The following AGR2 variants were observed in gnomAD, a reference collection of about 807,000 sequenced individuals.
The protein encoded by AGR2 is anterior gradient protein 2 homolog.
AGR2 carries 27 observed loss-of-function variants against 25.9 expected under a neutral mutation model. The observed-to-expected ratio is 1.04, with a 90% CI of 0.77 to 1.44. The LOEUF (loss-of-function observed/expected upper bound fraction) is 1.44, where lower values mean the gene tolerates loss of function less well. Ranked by LOEUF, AGR2 falls within the 40% of genes most tolerant of loss-of-function variation. The pLI is 0.00. For missense variants in AGR2, 182 were observed against 200.9 expected (o/e 0.91, Z 0.57); for synonymous variants, 78 against 72.0 (o/e 1.08, Z -0.42).
intron 1 of AGR2, among the ~76,000 whole-genome samples, chr7:16,802,219 T>C (rs561239995): frequency 6.6e-6 from 1 of 152,308 alleles, no homozygotes; most frequent in East Asian, 1.9e-4. Context: ...GTTTTATTAT[T>C]AGCTCTTATT....
intron 2 of AGR2, 48 bp from the exon 3 acceptor site, chr7:16,801,431 C>A (rs1785141041): frequency 6.4e-7 from 1 of 1,565,058 alleles, no homozygotes; most frequent in African/African-American, 1.4e-5. Flanking sequence ...AAATTCAGAC[C>A]CAAAGCTGTT....
At chr7:16,793,478 C>T (rs550409449) in intron 7 of AGR2, among the ~76,000 whole-genome samples, 15 of 152,188 alleles carry the variant, frequency 9.9e-5, no homozygotes, top group Non-Finnish European at 1.8e-4. Context: ...CCTTCATCTC[C>T]AACCCTCACT....
chr7:16,801,844 A>G (rs1237780337), intron 1 of AGR2, 41 bp from the exon 2 acceptor site: 2 of 1,574,948 alleles, frequency 1.3e-6, no homozygotes, highest in Non-Finnish European at 1.7e-6. Context: ...ACAAAATTGA[A>G]CTAGCAGTCT....
Position 16,792,919 on chromosome 7 carries a change from T to C in AGR2, c.517A>G (p.Thr173Ala). 1 of 1,614,036 alleles carries C rather than the reference T, an allele frequency of 6.2e-7. No individual in the cohort carries two copies. Among genetic ancestry groups the C allele is most frequent in the East Asian group, 2.2e-5 (1 of 44,876 alleles). ...GAGATTTTTTTTCTTTACAATTCAG[T>C]CTTCAGCAACTTGAGAGCTTTCTTC... Reference protein sequence around the residue: ...NMKKALKLLKTEL With the variant: ...NMKKALKLLKAEL Residue 173 changes from threonine (T) to alanine (A), a missense_variant, in exon 8 of 8, where the codon ACT becomes GCT. Thr to Ala is a moderately conservative substitution (Grantham distance 58). Transcript: ENST00000419304.
rs1034527818 is a variant in AGR2, at chr7:16,791,892, T to G, written c.*1016A>C. The G allele has an allele frequency of 4.6e-5, 7 of 152,196 alleles. No homozygotes were observed. Among genetic ancestry groups the G allele is most frequent in the Admixed American group, 2.0e-4 (3 of 15,266 alleles). 9.4% of individuals were successfully genotyped at this position (152,196 alleles called of 1,614,324 possible). Reference sequence around the variant, plus strand: ...CAAAGCATTATATACAGCACCATAGTCCAGGGGCCAAAGAAATCAGGAGGG... The same window carrying G: ...CAAAGCATTATATACAGCACCATAGGCCAGGGGCCAAAGAAATCAGGAGGG... On this transcript the variant is annotated 3_prime_UTR_variant, in exon 8 of 8. Coordinates refer to ENST00000419304, the MANE Select transcript of AGR2 (RefSeq NM_006408.4).
chr7:16,803,084 C>T (rs771580992), intron 1 of AGR2: 1 of 152,254 alleles, frequency 6.6e-6, no homozygotes, highest in African/African-American at 2.4e-5. Context: ...ATCCTCCTGC[C>T]TTGGCCTCCG....
In AGR2 at chr7:16,792,868, C is replaced by G. The variant is rs762996070; in HGVS notation, c.*40G>C. On this transcript the variant is annotated 3_prime_UTR_variant, in exon 8 of 8. Coordinates refer to ENST00000419304, the MANE Select transcript of AGR2 (RefSeq NM_006408.4). ...TCACACTTCTTCTGGTTTCAAGTCT[C>G]AAGGCCTGACAGACAGAAGGGCTTG... 6.3e-7 allele frequency: 1 copy of G among 1,576,568 alleles called. No individual in the cohort carries two copies. The highest frequency in any genetic ancestry group is 1.1e-5 in the South Asian group (1 of 90,230).
chr7:16,800,249 A>G (rs573504147), intron 4 of AGR2, among the ~76,000 whole-genome samples: 1 of 152,350 alleles, frequency 6.6e-6, no homozygotes, highest in East Asian at 1.9e-4. Flanking sequence ...AAAGGGTTTA[A>G]AAACTGTGAG....
At chr7:16,796,071 T>C (rs1220594290) in intron 6 of AGR2, among the ~76,000 whole-genome samples, 1 of 150,556 alleles carries the variant, frequency 6.6e-6, no homozygotes, top group African/African-American at 2.4e-5. Context: ...TGGAGAGCTG[T>C]AAACACTATG....
intron 5 of AGR2, 152 bp downstream of exon 5, chr7:16,799,592 G>A (rs990886509): frequency 1.7e-4 from 91 of 545,384 alleles, no homozygotes; most frequent in Non-Finnish European, 2.6e-4. Context: ...TTAATACAAC[G>A]AAATATCTTT....
At chr7:16,793,001 T>A (rs1279527448) in intron 7 of AGR2, 44 bp from the exon 8 acceptor site, 1 of 1,566,098 alleles carries the variant, frequency 6.4e-7, no homozygotes, top group Non-Finnish European at 8.8e-7. Context: ...CCATCGTGCG[T>A]TATATCGATA....
At chr7:16,800,711 G>C (rs1583809060) in intron 4 of AGR2, among the ~76,000 whole-genome samples, 8 of 152,190 alleles carry the variant, frequency 5.3e-5, no homozygotes, top group Admixed American at 5.2e-4. Context: ...TTTGGGCCCA[G>C]TGCAAAATGA....
intron 1 of AGR2, among the ~76,000 whole-genome samples, chr7:16,803,871 T>C (rs577437823): frequency 1.3e-4 from 20 of 152,358 alleles, no homozygotes; most frequent in African/African-American, 4.8e-4. Flanking sequence ...AAATAATTTC[T>C]TTGAATCTAT....
rs972908656 is a variant in AGR2 at position 16,794,591 on chromosome 7, A to G, written c.478+345T>C. The G allele has an allele frequency of 1.5e-5, 7 of 460,966 alleles. No individual in the cohort carries two copies. In the Admixed American group the frequency reaches 2.7e-4, roughly 18 times the overall value. The allele number at this position is 460,966 out of a possible 1,614,324, so 28.6% of individuals were successfully genotyped here. A position where few individuals can be genotyped will look rare whatever the true frequency, so the allele number is the denominator to read the frequency against. On this transcript the variant is annotated intron_variant, in intron 7 of 7. Coordinates refer to ENST00000419304, the MANE Select transcript of AGR2 (RefSeq NM_006408.4). Reference sequence around the variant, plus strand: ...CTTTTGTTATTTAAAAAATTAAGACATGCAGATTATTACAATTATTACACT... The same window carrying G: ...CTTTTGTTATTTAAAAAATTAAGACGTGCAGATTATTACAATTATTACACT...
At chr7:16,797,982 A>G (rs1012743607) in intron 5 of AGR2, among the ~76,000 whole-genome samples, 1 of 152,234 alleles carries the variant, frequency 6.6e-6, no homozygotes, top group African/African-American at 2.4e-5. Context: ...GGATGAAATA[A>G]GAGGCTATTA....
At chr7:16,798,733 A>G (rs1475788188) in intron 5 of AGR2, among the ~76,000 whole-genome samples, 2 of 152,214 alleles carry the variant, frequency 1.3e-5, no homozygotes, top group Non-Finnish European at 2.9e-5. Context: ...AGTAGCAGGA[A>G]TACTTGGAAT....
intron 5 of AGR2, 45 bp downstream of exon 5, chr7:16,799,699 A>T: frequency 7.2e-7 from 1 of 1,386,794 alleles, no homozygotes; most frequent in South Asian, 1.2e-5. Flanking sequence ...CATTTCAAGT[A>T]ATGAGCCATA....
At position 16,792,460 on chromosome 7, in the gene AGR2, C is replaced by T. The variant is rs1194830798; in HGVS notation, c.*448G>A. The stretch of plus-strand genomic sequence containing the variant: ...TGCTAAAGCACATGGCTTGATACTT[C>T]TGTTGATTAAGCTCGTGTCTACTTA... On this transcript the variant is annotated 3_prime_UTR_variant, in exon 8 of 8. Transcript: ENST00000419304. The T allele has an allele frequency of 6.4e-6, 1 of 157,134 alleles. No individual in the cohort carries two copies. Among genetic ancestry groups the T allele is most frequent in the African/African-American group, 2.4e-5 (1 of 41,530 alleles). The allele number at this position is 157,134 out of a possible 1,614,324, so 9.7% of individuals were successfully genotyped here.
At chr7:16,798,260 C>T (rs1056011811) in intron 5 of AGR2, among the ~76,000 whole-genome samples, 10 of 152,106 alleles carry the variant, frequency 6.6e-5, no homozygotes, top group Non-Finnish European at 1.0e-4. Context: ...GATTCCACCC[C>T]GACTAGGACT....
Sources: gnomAD v4.1 joint callset for allele counts (sites outside exome capture counted in the v4.1 genomes callset) on GRCh38, gnomAD v4.1.1 for gene constraint, MANE v1.5 for transcripts, NCBI Gene and HGNC (gene_info 2026-07-23, HGNC 2026-07-21) for gene names.